The following RARB variants were observed in gnomAD, a reference collection of about 807,000 sequenced individuals.
The protein encoded by RARB is HBV-activated protein.
A neutral mutation model predicts 51.9 loss-of-function variants in RARB; 17 were observed. That is an observed-to-expected ratio of 0.33 (90% CI 0.22 to 0.49). RARB has a LOEUF of 0.49. RARB is among the 20% of genes least tolerant of loss of function. The probability of loss-of-function intolerance (pLI) is 0.99; values close to 1 mark genes in which losing one functional copy is unlikely to be tolerated. For synonymous variants in RARB, 215 were observed against 195.4 expected, an observed-to-expected ratio of 1.10 and a Z score of -0.84; for missense variants, 369 against 550.8, an observed-to-expected ratio of 0.67 and a Z score of 3.30.
chr3:25,219,060 A>G lies in RARB; in HGVS notation c.178+44485A>G, dbSNP rs918928901. 4.6e-5 allele frequency among the ~76,000 whole-genome samples: 7 copies of G among 152,180 alleles called. No individual in the cohort carries two copies. The East Asian group carries it at 5.8e-4, about 13-fold the overall frequency. On this transcript the variant is annotated intron_variant, in intron 5 of 11. Transcript: ENST00000383772. ...TCATGTGGGATCCATTCATTCAACT[A>G]TAAGTATTTATTTAGCATCTACTAT...
At position 25,082,669 on chromosome 3, in the gene RARB, TAATA is replaced by T. The variant is rs1307227209; in HGVS notation, c.-328+22497_-328+22500del. The stretch of plus-strand genomic sequence containing the variant: ...TTGCTTTAAGCGATCACTTCTCTTT[TAATA>T]AATTAAGAAGCAAAAAATATTGCTT... On this transcript the variant is annotated intron_variant, in intron 3 of 11. Transcript: ENST00000383772. Among the ~76,000 whole-genome samples, 7 of 152,246 alleles carry T rather than the reference TAATA, an allele frequency of 4.6e-5. No individual in the cohort carries two copies. In the East Asian group the frequency reaches 7.7e-4, roughly 17 times the overall value.
intron 5 of RARB, among the ~76,000 whole-genome samples, chr3:25,356,821 A>T (rs990610660): frequency 1.3e-5 from 2 of 152,164 alleles, no homozygotes; most frequent in African/African-American, 4.8e-5. Context: ...AGCTTCATCC[A>T]TGTCCCTGCA....
chr3:25,468,010 A>C (rs1034114555), intron 2 of RARB, among the ~76,000 whole-genome samples: 1 of 152,040 alleles, frequency 6.6e-6, no homozygotes. Context: ...GCCTGATGTG[A>C]TGGGGGTCAG....
chr3:25,006,362 T>G (rs1697271993), intron 2 of RARB, among the ~76,000 whole-genome samples: 1 of 152,180 alleles, frequency 6.6e-6, no homozygotes, highest in Admixed American at 6.6e-5. Context: ...ATGATTCATC[T>G]TATAGTAGGA....
chr3:25,589,082 T>C (rs1559481979), intron 5 of RARB, among the ~76,000 whole-genome samples: 3 of 152,200 alleles, frequency 2.0e-5, no homozygotes. Context: ...TAAAACAATG[T>C]TATTTCTTAT....
intron 5 of RARB, among the ~76,000 whole-genome samples, chr3:25,358,672 A>G (rs1343805048): frequency 1.3e-5 from 2 of 152,152 alleles, no homozygotes; most frequent in Non-Finnish European, 1.5e-5. Context: ...TAGTTTATTG[A>G]ATGTTATTAG....
At chr3:25,412,452 C>T (rs1252244396) in intron 5 of RARB, among the ~76,000 whole-genome samples, 1 of 152,052 alleles carries the variant, frequency 6.6e-6, no homozygotes, top group Non-Finnish European at 1.5e-5. Context: ...TTTTCCCAGC[C>T]CCCAATATCT....
Position 25,194,723 on chromosome 3 carries a change from G to A in RARB, c.178+20148G>A, listed in dbSNP as rs534869539. Among the ~76,000 whole-genome samples, 10 of 151,348 alleles carry A rather than the reference G, an allele frequency of 6.6e-5. No individual in the cohort carries two copies. In the East Asian group the frequency reaches 7.8e-4, roughly 12 times the overall value. On this transcript the variant is annotated intron_variant, in intron 5 of 11. Coordinates refer to the RARB transcript ENST00000383772. The stretch of plus-strand genomic sequence containing the variant: ...ATGTTTATTGACCAGAAGAATGTAC[G>A]TATTTGTATAAGCATTCTGGAATCA...
intron 3 of RARB, among the ~76,000 whole-genome samples, chr3:25,100,716 T>C (rs541631447): frequency 1.3e-5 from 2 of 152,306 alleles, no homozygotes; most frequent in East Asian, 3.9e-4. Flanking sequence ...CACAGAAATT[T>C]TCATCCTGTG....
At chr3:25,393,468 C>A (rs970941017) in intron 5 of RARB, among the ~76,000 whole-genome samples, 1 of 151,956 alleles carries the variant, frequency 6.6e-6, no homozygotes, top group Non-Finnish European at 1.5e-5. Flanking sequence ...GGATTGGTAC[C>A]CATTCTTTGA....
intron 2 of RARB, among the ~76,000 whole-genome samples, chr3:25,048,998 T>C (rs1320757378): frequency 6.6e-6 from 1 of 152,218 alleles, no homozygotes; most frequent in African/African-American, 2.4e-5. Context: ...GTGATCCACC[T>C]GCCTCGGCCT....
rs538514108 is a variant in RARB at position 25,130,231 on chromosome 3, A to G, written c.-327-1930A>G. On this transcript the variant is annotated intron_variant, in intron 3 of 11. Coordinates refer to the RARB transcript ENST00000383772. The stretch of plus-strand genomic sequence containing the variant: ...ACCAGTCTTTACTGAGGACTTTTAC[A>G]CATGGTTTTCACTGTCTTGGAAGTC... Among the ~76,000 whole-genome samples the G allele has an allele frequency of 7.2e-4, 109 of 152,166 alleles. 3 individuals carry two copies. In the South Asian group the frequency reaches 0.02, roughly 28 times the overall value.
intron 4 of RARB, among the ~76,000 whole-genome samples, chr3:25,146,330 A>G (rs1227491067): frequency 6.6e-6 from 1 of 151,996 alleles, no homozygotes; most frequent in African/African-American, 2.4e-5. Flanking sequence ...CTATGGGGGG[A>G]CCACATATCA....
rs561919933 is a variant in RARB at position 25,373,720 on chromosome 3, G to A, written c.179-87473G>A. Among the ~76,000 whole-genome samples the A allele has an allele frequency of 5.9e-5, 9 of 152,190 alleles. No homozygotes were observed. In the East Asian group the frequency reaches 7.7e-4, roughly 13 times the overall value. On this transcript the variant is annotated intron_variant, in intron 5 of 11. Transcript: ENST00000383772. ...GTAAACTCCCCTCTACTACCATGGC[G>A]GGGAATGGACCACAGAACCTCTCAC...
intron 5 of RARB, among the ~76,000 whole-genome samples, chr3:25,399,122 C>G (rs1033659386): frequency 1.6e-4 from 24 of 152,244 alleles, no homozygotes; most frequent in African/African-American, 5.5e-4. Context: ...TAGACCTGAT[C>G]CAGGAGGACA....
intron 3 of RARB, among the ~76,000 whole-genome samples, chr3:25,074,000 T>A (rs140806173): frequency 6.6e-6 from 1 of 152,336 alleles, no homozygotes; most frequent in Non-Finnish European, 1.5e-5. Flanking sequence ...AAATCTTGAC[T>A]TCTGTTATTC....
chr3:25,036,723 G>C (rs1698002308), intron 2 of RARB, among the ~76,000 whole-genome samples: 1 of 152,092 alleles, frequency 6.6e-6, no homozygotes, highest in Non-Finnish European at 1.5e-5. Context: ...CTGCTTCGGA[G>C]AGCAATGGTC....
At chr3:24,941,965 G>GA (rs1400841099) in intron 2 of RARB, among the ~76,000 whole-genome samples, 3 of 152,176 alleles carry the variant, frequency 2.0e-5, no homozygotes, top group East Asian at 1.9e-4. Context: ...ATCCCAGGCT[G>GA]AAAAATGTAT....
chr3:24,996,151 G>T (rs536084300), intron 2 of RARB, among the ~76,000 whole-genome samples: 7 of 152,004 alleles, frequency 4.6e-5, no homozygotes, highest in Non-Finnish European at 8.8e-5. Flanking sequence ...TTATTGGTCT[G>T]TTCAAGCTTC....
Sources: allele counts gnomAD v4.1 joint callset (sites outside exome capture counted in the v4.1 genomes callset), GRCh38; gene constraint gnomAD v4.1.1; transcripts MANE v1.5; gene names NCBI Gene and HGNC (gene_info 2026-07-23, HGNC 2026-07-21).